TNFRSF21: variants seen among roughly 807,000 people sequenced by gnomAD.
TNFRSF21 encodes the protein TNF receptor superfamily member 21, also known as tumor necrosis factor receptor superfamily member 21.
TNFRSF21 carries 19 observed loss-of-function variants against 45.6 expected under a neutral mutation model. The observed-to-expected ratio is 0.42, with a 90% CI of 0.29 to 0.61. The LOEUF is 0.61. Among genes scored for constraint, TNFRSF21 ranks in the 20% least tolerant of loss-of-function variants. The pLI is 0.23. For missense variants in TNFRSF21, 737 were observed against 851.5 expected (o/e 0.87, Z 1.67); for synonymous variants, 314 against 335.5 (o/e 0.94, Z 0.70).
intron 4 of TNFRSF21, among the ~76,000 whole-genome samples, chr6:47,240,072 C>T (rs1764722902): frequency 6.6e-6 from 1 of 152,164 alleles, no homozygotes; most frequent in African/African-American, 2.4e-5. Context: ...ATGCTCTTTG[C>T]CAGCCTGCTA....
intron 1 of TNFRSF21, among the ~76,000 whole-genome samples, chr6:47,301,233 A>G (rs1421673927): frequency 1.3e-5 from 2 of 152,244 alleles, no homozygotes; most frequent in East Asian, 3.8e-4. Context: ...TCTGAAACTC[A>G]TTAATCATTT....
At chr6:47,239,142 C>T (rs1287834587) in intron 4 of TNFRSF21, among the ~76,000 whole-genome samples, 3 of 151,984 alleles carry the variant, frequency 2.0e-5, no homozygotes, top group Non-Finnish European at 4.4e-5. Context: ...AAAAATTAGC[C>T]GGGCATGGTG....
chr6:47,295,563 G>C (rs984939629), intron 1 of TNFRSF21, among the ~76,000 whole-genome samples: 4 of 152,100 alleles, frequency 2.6e-5, no homozygotes, highest in Admixed American at 6.5e-5. Flanking sequence ...GATAACAGAT[G>C]ATCTAAAGGC....
At chr6:47,272,261 G>GGAAGTAAA (rs1237699564) in intron 3 of TNFRSF21, among the ~76,000 whole-genome samples, 1 of 152,060 alleles carries the variant, frequency 6.6e-6, no homozygotes, top group Non-Finnish European at 1.5e-5. Context: ...CCATATAATT[G>GGAAGTAAA]GAAGTAAAGC....
At chr6:47,261,912 TC>T (rs1295911681) in intron 3 of TNFRSF21, among the ~76,000 whole-genome samples, 1 of 152,214 alleles carries the variant, frequency 6.6e-6, no homozygotes, top group Non-Finnish European at 1.5e-5. Flanking sequence ...AGCAGTAACT[TC>T]CAGTGCATCC....
intron 1 of TNFRSF21, among the ~76,000 whole-genome samples, chr6:47,292,859 T>C (rs1409698286): frequency 6.6e-6 from 1 of 152,214 alleles, no homozygotes; most frequent in Non-Finnish European, 1.5e-5. Flanking sequence ...AAATTGGCTG[T>C]TCCCATTGAT....
chr6:47,267,523 A>C (rs1013982500), intron 3 of TNFRSF21, among the ~76,000 whole-genome samples: 1 of 152,126 alleles, frequency 6.6e-6, no homozygotes, highest in Non-Finnish European at 1.5e-5. Flanking sequence ...TGACTCATAC[A>C]TTTTGACCCT....
At chr6:47,256,915 T>C (rs1223057618) in intron 3 of TNFRSF21, among the ~76,000 whole-genome samples, 2 of 152,182 alleles carry the variant, frequency 1.3e-5, no homozygotes, top group Non-Finnish European at 2.9e-5. Flanking sequence ...ATAATGCCGA[T>C]GACAGTGGCT....
intron 3 of TNFRSF21, among the ~76,000 whole-genome samples, chr6:47,275,092 T>C (rs1762478489): frequency 6.6e-6 from 1 of 152,182 alleles, no homozygotes; most frequent in Non-Finnish European, 1.5e-5. Context: ...TGGAAGACAG[T>C]GTGGCGATTC....
chr6:47,280,037 C>A (rs1446509393), intron 3 of TNFRSF21, among the ~76,000 whole-genome samples: 1 of 152,120 alleles, frequency 6.6e-6, no homozygotes, highest in Non-Finnish European at 1.5e-5. Context: ...AACTATAAGT[C>A]CATGGTAGAC....
At chr6:47,238,639 A>G (rs1309652230) in intron 4 of TNFRSF21, among the ~76,000 whole-genome samples, 1 of 152,244 alleles carries the variant, frequency 6.6e-6, no homozygotes, top group African/African-American at 2.4e-5. Flanking sequence ...CCAAACTGAT[A>G]AGGGAAGAAA....
intron 4 of TNFRSF21, among the ~76,000 whole-genome samples, chr6:47,239,416 T>C (rs1354782953): frequency 3.9e-5 from 6 of 151,962 alleles, no homozygotes; most frequent in Admixed American, 2.6e-4. Context: ...GAGGTTGCAG[T>C]ATTCCCCTAG....
intron 3 of TNFRSF21, among the ~76,000 whole-genome samples, chr6:47,268,327 G>C (rs894273251): frequency 1.3e-5 from 2 of 152,162 alleles, no homozygotes; most frequent in African/African-American, 4.8e-5. Context: ...CAGTAAACAG[G>C]AAGTATTACT....
intron 1 of TNFRSF21, among the ~76,000 whole-genome samples, chr6:47,291,636 G>A (rs1762731162): frequency 6.6e-6 from 1 of 152,180 alleles, no homozygotes; most frequent in South Asian, 2.1e-4. Context: ...GACCAGGGAG[G>A]GATGGGAGGT....
intron 4 of TNFRSF21, among the ~76,000 whole-genome samples, chr6:47,251,159 A>G (rs1008184405): frequency 6.6e-6 from 1 of 152,216 alleles, no homozygotes; most frequent in African/African-American, 2.4e-5. Context: ...AAGAACTGGC[A>G]GCCAAAAATC....
chr6:47,251,359 A>G (rs1219824935), intron 4 of TNFRSF21, among the ~76,000 whole-genome samples: 1 of 152,224 alleles, frequency 6.6e-6, no homozygotes, highest in African/African-American at 2.4e-5. Context: ...TCAAAAAATA[A>G]ACAACAAAAA....
rs1305222070 is a variant in TNFRSF21, at chr6:47,252,448, A to T, written c.1509+808T>A. 3.9e-5 allele frequency among the ~76,000 whole-genome samples: 6 copies of T among 152,244 alleles called. No individual in the cohort carries two copies. The East Asian group carries it at 1.2e-3, about 29-fold the overall frequency. On this transcript the variant is annotated intron_variant, in intron 4 of 5. Coordinates refer to ENST00000296861, the MANE Select transcript of TNFRSF21 (RefSeq NM_014452.5). ...TATTCATGGCCTTTCAGGGAAGTAC[A>T]TACAATTAAAGAAAGGCTAAGTAAA...
chr6:47,267,164 T>A (rs1762345824), intron 3 of TNFRSF21, among the ~76,000 whole-genome samples: 1 of 150,846 alleles, frequency 6.6e-6, no homozygotes, highest in African/African-American at 2.4e-5. Context: ...AGTGGTGAGA[T>A]CTCGGCTCAC....
chr6:47,252,181 A>T (rs1764909633), intron 4 of TNFRSF21, among the ~76,000 whole-genome samples: 1 of 152,248 alleles, frequency 6.6e-6, no homozygotes, highest in Non-Finnish European at 1.5e-5. Flanking sequence ...AAAATGAAAT[A>T]CTTTGATACA....
Sources: gnomAD v4.1 joint callset for allele counts (sites outside exome capture counted in the v4.1 genomes callset) on GRCh38, gnomAD v4.1.1 for gene constraint, MANE v1.5 for transcripts, NCBI Gene and HGNC (gene_info 2026-07-23, HGNC 2026-07-21) for gene names.